SRRM3: variants seen among roughly 807,000 people sequenced by gnomAD.
SRRM3 encodes the protein serine/arginine repetitive matrix protein 3.
Under a neutral mutation model 66.2 loss-of-function variants are expected in SRRM3, and 27 were observed. The ratio of observed to expected loss-of-function variants is 0.41; its 90% CI spans 0.30 to 0.56. The LOEUF (loss-of-function observed/expected upper bound fraction) is 0.56. Ranked by LOEUF, SRRM3 falls within the 20% of genes least tolerant of loss-of-function variation. The pLI is 0.32. For missense variants in SRRM3, 918 were observed against 991.9 expected (o/e 0.93, Z 1.00); for synonymous variants, 391 against 414.9 (o/e 0.94, Z 0.70).
chr7:76,210,133 C>T (rs190072182), intron 1 of SRRM3, among the ~76,000 whole-genome samples: 51 of 152,300 alleles, frequency 3.3e-4, no homozygotes, highest in Admixed American at 1.0e-3. Flanking sequence ...ATACCAGAGA[C>T]ATGCCTCTGG....
At chr7:76,275,726 C>T (rs1029792480) in intron 11 of SRRM3, among the ~76,000 whole-genome samples, 2 of 152,030 alleles carry the variant, frequency 1.3e-5, no homozygotes, top group South Asian at 4.1e-4. Flanking sequence ...ACCAGGTGAA[C>T]ACACTGCCCC....
Position 76,226,311 on chromosome 7 carries a change from G to A in SRRM3, c.-39-8717G>A, listed in dbSNP as rs1168079155. ...GAGGCAACTCCAGGGACCCAGCCAG[G>A]AGGCTGGGAAATCAGGCCTCTAGGC... is the stretch of plus-strand genomic sequence containing the variant. On this transcript the variant is annotated intron_variant, in intron 1 of 14. Coordinates refer to ENST00000611745, the MANE Select transcript of SRRM3 (RefSeq NM_001110199.3). 2.0e-5 allele frequency among the ~76,000 whole-genome samples: 3 copies of A among 152,252 alleles called. No homozygotes were observed. The East Asian group carries it at 5.8e-4, about 29-fold the overall frequency.
chr7:76,230,546 G>A (rs1250756140), intron 1 of SRRM3, among the ~76,000 whole-genome samples: 2 of 150,602 alleles, frequency 1.3e-5, no homozygotes, highest in East Asian at 3.9e-4. Context: ...TCTACTTGGA[G>A]GCTGAATCAG....
chr7:76,238,221 C>G (rs1474103640), intron 2 of SRRM3, among the ~76,000 whole-genome samples: 3 of 152,232 alleles, frequency 2.0e-5, no homozygotes, highest in Non-Finnish European at 4.4e-5. Flanking sequence ...TGTTCTGGAG[C>G]TGTTCTGAGA....
intron 3 of SRRM3, among the ~76,000 whole-genome samples, chr7:76,259,119 A>C (rs527854126): frequency 9.1e-4 from 135 of 148,134 alleles, no homozygotes; most frequent in African/African-American, 3.3e-3. Context: ...ATTAGGGTTC[A>C]GTGAGAGAAA....
At chr7:76,283,488 C>T (rs1446933930) in intron 14 of SRRM3, 5 of 466,524 alleles carry the variant, frequency 1.1e-5, no homozygotes, top group African/African-American at 2.0e-5. Flanking sequence ...CATCCGTCTC[C>T]GGACAATGAT....
At chr7:76,248,946 C>T (rs1554606509) in intron 3 of SRRM3, among the ~76,000 whole-genome samples, 3 of 152,154 alleles carry the variant, frequency 2.0e-5, no homozygotes, top group African/African-American at 7.2e-5. Flanking sequence ...TGCCACTGTA[C>T]TCCAGCCTGG....
chr7:76,234,194 A>AGTGT (rs58369922), intron 1 of SRRM3, among the ~76,000 whole-genome samples: 9,123 of 141,102 alleles, frequency 0.065, 711 homozygotes, highest in African/African-American at 0.2. Flanking sequence ...AAGTCCTTGG[A>AGTGT]GTGTGTGTGT....
chr7:76,263,017 G>A (rs1317432523), intron 8 of SRRM3, among the ~76,000 whole-genome samples: 3 of 152,054 alleles, frequency 2.0e-5, no homozygotes, highest in Non-Finnish European at 2.9e-5. Context: ...TGCCAAGTAG[G>A]GGAGGAGCCT....
Position 76,239,982 on chromosome 7 carries a change from G to T in SRRM3, c.233+4683G>T, listed in dbSNP as rs1351345237. On this transcript the variant is annotated intron_variant, in intron 2 of 14. Transcript: ENST00000611745. ...AGTTCGAGACCAGCCTGGCCAACAT[G>T]ATGAAACCCCATCTCTACTAAAAAT... is the stretch of plus-strand genomic sequence containing the variant. Among the ~76,000 whole-genome samples the T allele has an allele frequency of 2.0e-5, 3 of 151,066 alleles. No individual in the cohort carries two copies. The East Asian group carries it at 5.9e-4, about 30-fold the overall frequency.
chr7:76,222,374 A>T (rs1004893129), intron 1 of SRRM3, among the ~76,000 whole-genome samples: 1 of 149,292 alleles, frequency 6.7e-6, no homozygotes, highest in Non-Finnish European at 1.5e-5. Context: ...TAATTGTACC[A>T]CTACACTCCA....
chr7:76,217,566 G>A (rs991775135), intron 1 of SRRM3, among the ~76,000 whole-genome samples: 1 of 152,114 alleles, frequency 6.6e-6, no homozygotes, highest in Non-Finnish European at 1.5e-5. Context: ...GATTACAGGC[G>A]TGAGCCATCA....
chr7:76,224,779 G>T (rs1358438346), intron 1 of SRRM3, among the ~76,000 whole-genome samples: 1 of 152,086 alleles, frequency 6.6e-6, no homozygotes, highest in East Asian at 1.9e-4. Context: ...TGGCCGCCCC[G>T]ATCAGCTAGG....
intron 3 of SRRM3, among the ~76,000 whole-genome samples, chr7:76,255,914 GC>G (rs1221649159): frequency 1.3e-5 from 2 of 152,178 alleles, no homozygotes; most frequent in Non-Finnish European, 2.9e-5. Context: ...TGTGTAAGTA[GC>G]AGCAACGGCC....
intron 3 of SRRM3, among the ~76,000 whole-genome samples, chr7:76,250,227 T>C (rs1583908442): frequency 6.7e-6 from 1 of 150,294 alleles, no homozygotes; most frequent in East Asian, 2.0e-4. Flanking sequence ...GTTTTTTTGT[T>C]TTGTTTTGTT....
chr7:76,262,133 G>A (rs562424872), intron 8 of SRRM3, among the ~76,000 whole-genome samples: 1 of 152,140 alleles, frequency 6.6e-6, no homozygotes, highest in South Asian at 2.1e-4. Context: ...GGGTGGACTG[G>A]GGGAGGGGAG....
In SRRM3 at chr7:76,285,788, G is replaced by A; in HGVS notation, c.1907G>A (p.Arg636Lys). ...GTRSRTRSPS[R>K]TPSPSYHSRS... ...CGCAGCCGGACACGCAGCCCCTCGA[G>A]GACCCCCAGTCCCAGCTACCACAGC... is the stretch of plus-strand genomic sequence containing the variant. The change falls in exon 15 of 15, where the codon AGG becomes AAG. Residue 636 changes from arginine (R) to lysine (K), a missense_variant. Arg to Lys is a conservative substitution (Grantham distance 26, BLOSUM62 2). Coordinates refer to ENST00000611745, the MANE Select transcript of SRRM3 (RefSeq NM_001110199.3). The surrounding 1 kb of genome is among the most constrained non-coding windows in gnomAD (Gnocchi z 4.1). 1 of 1,550,962 alleles carries A rather than the reference G, an allele frequency of 6.4e-7. No individual in the cohort carries two copies. Among genetic ancestry groups the A allele is most frequent in the Non-Finnish European group, 8.7e-7 (1 of 1,147,212 alleles).
At position 76,235,027 on chromosome 7, in the gene SRRM3, G is replaced by T; in HGVS notation, c.-39-1G>T. On this transcript the variant is annotated splice_acceptor_variant, in intron 1 of 14. Coordinates refer to ENST00000611745, the MANE Select transcript of SRRM3 (RefSeq NM_001110199.3). LOFTEE classifies it low-confidence loss of function (5UTR_SPLICE). ...GCCTCGTGTCTGTGTCTGTCCCTCAGGGCCAGCGGCCCAGGCCAGCGGCTC... is the reference window on the plus strand; with the variant it reads ...GCCTCGTGTCTGTGTCTGTCCCTCATGGCCAGCGGCCCAGGCCAGCGGCTC... 2 of 1,505,442 alleles carry T rather than the reference G, an allele frequency of 1.3e-6. No homozygotes were observed. The highest frequency in any genetic ancestry group is 2.5e-5 in the East Asian group (1 of 40,314). 93.3% of individuals were successfully genotyped at this position (1,505,442 alleles called of 1,614,324 possible). A position where few individuals can be genotyped will look rare whatever the true frequency, so the allele number is the denominator to read the frequency against.
At chr7:76,251,154 G>A (rs1248325555) in intron 3 of SRRM3, among the ~76,000 whole-genome samples, 1 of 152,112 alleles carries the variant, frequency 6.6e-6, no homozygotes, top group Non-Finnish European at 1.5e-5. Context: ...TCAGCCCGAC[G>A]CCCGTCCTCT....
Sources: gnomAD v4.1 joint callset for allele counts (sites outside exome capture counted in the v4.1 genomes callset) on GRCh38, gnomAD v4.1.1 for gene constraint, Gnocchi (gnomAD v3.1) non-coding constraint, MANE v1.5 for transcripts, NCBI Gene and HGNC (gene_info 2026-07-23, HGNC 2026-07-21) for gene names.